The following ZSCAN18 variants were observed in gnomAD, a reference collection of about 807,000 sequenced individuals.
ZSCAN18 encodes the protein zinc finger and SCAN domain containing 18.
A neutral mutation model predicts 31.1 loss-of-function variants in ZSCAN18; 16 were observed. The observed-to-expected ratio is 0.51, with a 90% CI of 0.35 to 0.78. The LOEUF (loss-of-function observed/expected upper bound fraction) is 0.78, where lower values mean the gene tolerates loss of function less well. Among genes scored for constraint, ZSCAN18 ranks in the 30% least tolerant of loss-of-function variants. The pLI is 0.01. For missense variants in ZSCAN18, 731 were observed against 697.4 expected (o/e 1.05, Z -0.54); for synonymous variants, 375 against 320.7 (o/e 1.17, Z -1.81).
chr19:58,092,760 C>T (rs1040306800), intron 1 of ZSCAN18: 14 of 974,146 alleles, frequency 1.4e-5, no homozygotes, highest in East Asian at 1.2e-4. Context: ...ACCACCACCA[C>T]GATACCTCTA....
chr19:58,090,136 G>A lies in ZSCAN18; in HGVS notation c.132C>T (p.Asp44=), dbSNP rs763099786. The change falls in exon 2 of 7, where the codon GAC becomes GAT. Residue 44 remains aspartate, a synonymous_variant. Transcript: ENST00000601144. This position sits in a 1 kb window ranked among gnomAD's most constrained non-coding sequence, Gnocchi z 4.7. The part of the protein sequence containing the change: ...PETIPERTPA[D]LEFSRLRFRE... The stretch of plus-strand genomic sequence containing the variant: ...GGAAACGCAGGCGGGAGAACTCCAG[G>A]TCAGCAGGGGTCCTCTCAGGGATGG... 1 of 1,613,814 alleles carries A rather than the reference G, an allele frequency of 6.2e-7. No individual in the cohort carries two copies.
chr19:58,084,470 G>C lies in ZSCAN18; in HGVS notation c.*215C>G, dbSNP rs967775412. The C allele has an allele frequency of 2.3e-5, 11 of 470,448 alleles. No individual in the cohort carries two copies. Among genetic ancestry groups the C allele is most frequent in the Non-Finnish European group, 3.6e-5 (10 of 276,334 alleles). 29.1% of individuals were successfully genotyped at this position (470,448 alleles called of 1,614,324 possible). ...ACATCCGGCGGCTCCCCTCGGATGC[G>C]AGCGCTGGCCCAGGGTGTGTTTACA... On this transcript the variant is annotated 3_prime_UTR_variant, in exon 7 of 7. Coordinates refer to ENST00000601144, the MANE Select transcript of ZSCAN18 (RefSeq NM_001145543.2). This position sits in a 1 kb window ranked among gnomAD's most constrained non-coding sequence, Gnocchi z 4.5.
rs141760306 is a variant in ZSCAN18, at chr19:58,086,946, G to A, written c.705C>T (p.Ala235=). The A allele has an allele frequency of 5.4e-5, 87 of 1,613,870 alleles. No homozygotes were observed. The highest frequency in any genetic ancestry group is 5.2e-4 in the African/African-American group (39 of 75,006). Residue 235 remains alanine, a synonymous_variant, in exon 5 of 7, where the codon GCC becomes GCT. Transcript: ENST00000601144. The stretch of plus-strand genomic sequence containing the variant: ...TCCGGTAGCTCTTCAGGTTCTCCTC[G>A]GCAGGGTCCAGGTGGCCCCACTCCC... ...HLGEWGHLDP[A]EENLKSYRKL... is the part of the protein sequence containing the mutation.
chr19:58,104,401 AC>A (rs941571672), intron 1 of ZSCAN18, among the ~76,000 whole-genome samples: 186 of 140,038 alleles, frequency 1.3e-3, no homozygotes, highest in African/African-American at 5.7e-3. Context: ...ACAAAACAAA[AC>A]AAAAAAAAAG....
chr19:58,093,613 C>G (rs965438875), intron 1 of ZSCAN18, among the ~76,000 whole-genome samples: 4 of 152,156 alleles, frequency 2.6e-5, no homozygotes, highest in Non-Finnish European at 5.9e-5. Flanking sequence ...GCCCACTTTC[C>G]CGTGACTTTT....
In ZSCAN18 at chr19:58,087,353, G is replaced by A. The variant is rs1340396926; in HGVS notation, c.605C>T (p.Ala202Val). 18 of 1,607,650 alleles carry A rather than the reference G, an allele frequency of 1.1e-5. No individual in the cohort carries two copies. Among genetic ancestry groups the A allele is most frequent in the Non-Finnish European group, 1.4e-5 (16 of 1,177,150 alleles). The part of the protein sequence containing the change: ...LFLEQRRVRE[A>V]KTEEDGPANT... ...GGCAGGGCCGTCCTCTTCGGTCTTT[G>A]CTTCTCTGACCCTCCTCTGTTCCAG... The change falls in exon 4 of 7, where the codon GCA becomes GTA. Residue 202 changes from alanine (A) to valine (V), a missense_variant. Physicochemically the swap from Ala to Val is moderately conservative, Grantham distance 64. Around this residue, in one of 4 missense-constraint regions of ZSCAN18, gnomAD observed 597 missense variants for 499.5 expected, o/e 1.20. Transcript: ENST00000601144.
intron 1 of ZSCAN18, among the ~76,000 whole-genome samples, chr19:58,093,077 C>G (rs1307769014): frequency 6.6e-6 from 1 of 151,924 alleles, no homozygotes; most frequent in Non-Finnish European, 1.5e-5. Context: ...GCACCCACCC[C>G]CACCCTTTTG....
At chr19:58,098,692 G>C (rs2074566486), upstream of ZSCAN18, among the ~76,000 whole-genome samples, 1 of 152,142 alleles carries the variant, frequency 6.6e-6, no homozygotes. Context: ...GGAAAGACCA[G>C]CATGGGCTCA....
upstream of ZSCAN18, among the ~76,000 whole-genome samples, chr19:58,099,964 G>GTTTTTTTTTTTT (rs55769261): frequency 2.2e-5 from 3 of 136,112 alleles, 1 homozygote; most frequent in Non-Finnish European, 4.7e-5. Flanking sequence ...TGAAAGCTAT[G>GTTTTTTTTTTTT]TTTTTTTTTT....
rs377324562 is a variant in ZSCAN18 at position 58,087,023 on chromosome 19, G to A, written c.643-15C>T. On this transcript the variant is annotated splice_polypyrimidine_tract_variant and intron_variant, in intron 4 of 6. Transcript: ENST00000601144. ...GACTTCAGCTTCTGAAACATTAGTC[G>A]TGGCTGAGACCTCCCACCTGCCCTA... 1.2e-4 allele frequency: 200 copies of A among 1,602,766 alleles called. No individual in the cohort carries two copies. The African/African-American group carries it at 2.0e-3, about 16-fold the overall frequency.
rs74923054 is a variant in ZSCAN18 at position 58,089,855 on chromosome 19, G to A, written c.403+10C>T. 1.6e-3 allele frequency: 2,569 copies of A among 1,601,326 alleles called. 42 individuals carry two copies. The African/African-American group carries it at 0.031, about 19-fold the overall frequency. On this transcript the variant is annotated intron_variant, in intron 2 of 6. Transcript: ENST00000601144. ...CCTCTGAGCCATGCTTCTCCTCTGT[G>A]ACAGCCCACCTGGCTCTTCCAGGAC... is the stretch of plus-strand genomic sequence containing the variant.
chr19:58,104,334 G>A lies in ZSCAN18; in HGVS notation c.130+13933C>T, dbSNP rs371596767. Among the ~76,000 whole-genome samples, 71 of 151,434 alleles carry A rather than the reference G, an allele frequency of 4.7e-4. 2 individuals are homozygous for A. In the South Asian group the frequency reaches 0.014, roughly 29 times the overall value. ...GCGAAGGTTGCAGTGAGCTGAGATC[G>A]TGCCACTGCACTCCAGCCTGGGCAA... On this transcript the variant is annotated intron_variant, in intron 1 of 1. Coordinates refer to the ZSCAN18 transcript ENST00000595721.
chr19:58,109,204 G>T, intron 1 of ZSCAN18: 1 of 1,231,560 alleles, frequency 8.1e-7, no homozygotes, highest in Non-Finnish European at 1.0e-6. Context: ...AGATAAAACA[G>T]GAATCATCCC....
In ZSCAN18 at chr19:58,090,836, C is replaced by T. The variant is rs1483248800; in HGVS notation, c.-119-450G>A. 1.1e-4 allele frequency among the ~76,000 whole-genome samples: 17 copies of T among 151,578 alleles called. No homozygotes were observed. Among genetic ancestry groups the T allele is most frequent in the Non-Finnish European group, 1.8e-4 (12 of 67,910 alleles). ...AACTCCTGACCTCAAATGGTCCACC[C>T]GCCTCAGCCTCCCAAAGTGCTGGGA... On this transcript the variant is annotated intron_variant, in intron 1 of 6. Coordinates refer to ENST00000601144, the MANE Select transcript of ZSCAN18 (RefSeq NM_001145543.2). This position sits in a 1 kb window ranked among gnomAD's most constrained non-coding sequence, Gnocchi z 4.7.
chr19:58,115,230 G>C (rs2074720485), intron 1 of ZSCAN18, among the ~76,000 whole-genome samples: 1 of 152,186 alleles, frequency 6.6e-6, no homozygotes, highest in Admixed American at 6.5e-5. Context: ...TATTTAATCT[G>C]TTTGTGAGCT....
In ZSCAN18 at chr19:58,086,263, T is replaced by TA; in HGVS notation, c.748dup (p.Tyr250LeufsTer7). The TA allele has an allele frequency of 6.2e-7, 1 of 1,613,640 alleles. No homozygotes were observed. On this transcript the variant is annotated frameshift_variant, in exon 6 of 7. Transcript: ENST00000601144. LOFTEE classifies it high-confidence loss of function. ...GGCAGCGTCAGGCTGGGAAAGCTGA[T>TA]ACCCTGAGTGGGGTTAAAAACCAAA...
At chr19:58,091,385 G>GA (rs2074407132) in intron 1 of ZSCAN18, among the ~76,000 whole-genome samples, 1 of 151,866 alleles carries the variant, frequency 6.6e-6, no homozygotes, top group Non-Finnish European at 1.5e-5. Flanking sequence ...AAATTATTTA[G>GA]AAAAAAGCGT....
At chr19:58,110,370 GAC>G (rs2074671770) in intron 1 of ZSCAN18, among the ~76,000 whole-genome samples, 2 of 151,882 alleles carry the variant, frequency 1.3e-5, no homozygotes, top group African/African-American at 2.4e-5. Context: ...TCTGAATCCA[GAC>G]ATGCATACTA....
In ZSCAN18 at chr19:58,117,178, G is replaced by A. The variant is rs114514427; in HGVS notation, c.130+1089C>T. On this transcript the variant is annotated intron_variant, in intron 1 of 1. Transcript: ENST00000595721. ...TGGACAGAGACGATGTGGGGATTGGGGAAAAGAGAAATATCCAGGTGGACA... is the reference window on the plus strand; with the variant it reads ...TGGACAGAGACGATGTGGGGATTGGAGAAAAGAGAAATATCCAGGTGGACA... Among the ~76,000 whole-genome samples the A allele has an allele frequency of 9.9e-3, 1,508 of 152,320 alleles. 34 individuals are homozygous for A. The highest frequency in any genetic ancestry group is 0.035 in the African/African-American group (1,451 of 41,560).
Sources: allele counts gnomAD v4.1 joint callset (sites outside exome capture counted in the v4.1 genomes callset), GRCh38; gene constraint gnomAD v4.1.1; regional missense constraint gnomAD v4.1.1; non-coding constraint Gnocchi (gnomAD v3.1); transcripts MANE v1.5; gene names NCBI Gene and HGNC (gene_info 2026-07-23, HGNC 2026-07-21).